TUBGCP6: variants seen among roughly 807,000 people sequenced by gnomAD.
TUBGCP6 encodes the protein gamma-tubulin complex component 6.
TUBGCP6 carries 161 observed loss-of-function variants against 175.8 expected under a neutral mutation model. The observed-to-expected ratio is 0.92, with a 90% CI of 0.81 to 1.04. The LOEUF is 1.04. TUBGCP6 is among the 50% of genes least tolerant of loss of function. The pLI is 0.00. For synonymous variants in TUBGCP6, 1,173 were observed against 1,030.5 expected (o/e 1.14, Z -2.65); for missense variants, 2,572 against 2,433.0 (o/e 1.06, Z -1.20).
At chr22:50,225,421 T>A (rs1569115481) in intron 10 of TUBGCP6, among the ~76,000 whole-genome samples, 3 of 151,570 alleles carry the variant, frequency 2.0e-5, no homozygotes, top group African/African-American at 4.9e-5. Flanking sequence ...CCATCTGGAG[T>A]GCAGCCAGGA....
chr22:50,221,107 G>A lies in TUBGCP6; in HGVS notation c.3252C>T (p.Ser1084=), dbSNP rs751346776. 2 of 1,609,168 alleles carry A rather than the reference G, an allele frequency of 1.2e-6. No individual in the cohort carries two copies. The highest frequency in any genetic ancestry group is 1.1e-5 in the South Asian group (1 of 90,798). ...ACTCCCCTAAGCTGATGCTGGCATT[G>A]GATACGTGTCCGTGGGTGTTCCACC... The part of the protein sequence containing the change: ...QPRWNTHGHV[S]NASISLGESV... The change falls in exon 16 of 25, where the codon TCC becomes TCT. Residue 1084 remains serine (S), a synonymous_variant. Transcript: ENST00000248846.
chr22:50,232,847 C>G (rs1405107394), intron 3 of TUBGCP6, among the ~76,000 whole-genome samples: 3 of 152,248 alleles, frequency 2.0e-5, no homozygotes, highest in Non-Finnish European at 4.4e-5. Flanking sequence ...ATTCACTTCT[C>G]CAGTGCCCAG....
In TUBGCP6 at chr22:50,225,862, CCTT is replaced by C. The variant is rs2064599357; in HGVS notation, c.1912_1914del (p.Lys638del). The C allele has an allele frequency of 1.2e-6, 2 of 1,613,992 alleles. No homozygotes were observed. Among genetic ancestry groups the C allele is most frequent in the Admixed American group, 1.7e-5 (1 of 60,010 alleles). On this transcript the variant is annotated inframe_deletion, in exon 10 of 25. Transcript: ENST00000248846. ...ATGCGCCCAACGTAGACGGCACAGT[CCTT>C]CTCAATCTCCTTCAACTCCTCAAGG...
chr22:50,241,511 G>A (rs1374103674), intron 1 of TUBGCP6, among the ~76,000 whole-genome samples: 7 of 152,072 alleles, frequency 4.6e-5, no homozygotes, highest in African/African-American at 7.3e-5. Flanking sequence ...AGGCCTAAAC[G>A]TCTCCCTGTG....
chr22:50,225,685 A>G, intron 10 of TUBGCP6, 109 bp downstream of exon 10: 2 of 1,411,254 alleles, frequency 1.4e-6, no homozygotes, highest in Non-Finnish European at 1.9e-6. Flanking sequence ...AAAATGCCAG[A>G]AGGGAGGCCC....
intron 7 of TUBGCP6, among the ~76,000 whole-genome samples, 153 bp from the exon 8 acceptor site, chr22:50,226,531 G>A (rs2064612358): frequency 6.7e-6 from 1 of 150,038 alleles, no homozygotes; most frequent in African/African-American, 2.5e-5. Context: ...CCATCCATGA[G>A]GGGCGGGATG....
Position 50,217,724 on chromosome 22 carries a change from C to G in TUBGCP6, c.*12G>C, listed in dbSNP as rs754995187. 1 of 1,613,190 alleles carries G rather than the reference C, an allele frequency of 6.2e-7. No individual in the cohort carries two copies. Among genetic ancestry groups the G allele is most frequent in the Non-Finnish European group, 8.5e-7 (1 of 1,179,536 alleles). On this transcript the variant is annotated 3_prime_UTR_variant, in exon 25 of 25. Coordinates refer to ENST00000248846, the MANE Select transcript of TUBGCP6 (RefSeq NM_020461.4). ...GAACACCTTTATTGTGCACGTCCCC[C>G]GCAGAGCAGCCTCAGGCGTCCTGGT...
At chr22:50,226,630 C>A in intron 7 of TUBGCP6, 103 bp downstream of exon 7, 1 of 1,085,098 alleles carries the variant, frequency 9.2e-7, no homozygotes, top group South Asian at 1.5e-5. Flanking sequence ...CCTCCCCTTC[C>A]TGTGTGACCC....
chr22:50,231,346 T>C (rs12169926), intron 3 of TUBGCP6, among the ~76,000 whole-genome samples: 14,094 of 146,604 alleles, frequency 0.096, 2,180 homozygotes, highest in African/African-American at 0.33. Flanking sequence ...CCCAGCTACT[T>C]GGGAGGCTGA....
Position 50,240,327 on chromosome 22 carries a change from T to C in TUBGCP6, c.782A>G (p.Gln261Arg), listed in dbSNP as rs557314564. The C allele has an allele frequency of 1.2e-6, 2 of 1,614,016 alleles. No homozygotes were observed. Among genetic ancestry groups the C allele is most frequent in the Admixed American group, 1.7e-5 (1 of 60,010 alleles). Reference sequence around the variant, plus strand: ...ATCAGGAGTCAAGTTGGACGCTGACTGGAATCCTTCGTCTTCCCACTGATC... The same window carrying C: ...ATCAGGAGTCAAGTTGGACGCTGACCGGAATCCTTCGTCTTCCCACTGATC... ...SVDQWEDEGF[Q>R]SASNLTPDSQ... Residue 261 changes from glutamine to arginine, a missense_variant, in exon 2 of 25, where the codon CAG becomes CGG. Physicochemically the swap from Gln to Arg is conservative, Grantham distance 43. Coordinates refer to ENST00000248846, the MANE Select transcript of TUBGCP6 (RefSeq NM_020461.4).
In TUBGCP6 at chr22:50,244,116, A is replaced by T; in HGVS notation, c.344T>A (p.Val115Asp). 6.2e-7 allele frequency: 1 copy of T among 1,613,740 alleles called. No homozygotes were observed. The highest frequency in any genetic ancestry group is 8.5e-7 in the Non-Finnish European group (1 of 1,180,034). The change falls in exon 1 of 25, where the codon GTT becomes GAT. Residue 115 changes from valine to aspartate, a missense_variant. By Grantham distance (152) the Val-to-Asp change is radical. Coordinates refer to ENST00000248846, the MANE Select transcript of TUBGCP6 (RefSeq NM_020461.4). ...LEVGSVLDLLVQLAGSGPPQV... is the reference protein window; with the variant it reads ...LEVGSVLDLLDQLAGSGPPQV... ...AGGGGGACCACTCCCTGCCAGCTGA[A>T]CCAGGAGGTCCAAAACAGACCCCAC... is the stretch of plus-strand genomic sequence containing the variant.
intron 13 of TUBGCP6, 87 bp downstream of exon 13, chr22:50,224,054 A>G: frequency 8.0e-7 from 1 of 1,244,588 alleles, no homozygotes; most frequent in Non-Finnish European, 1.1e-6. Context: ...TTTCAAAACA[A>G]AAAGTAAAAT....
At position 50,218,876 on chromosome 22, in the gene TUBGCP6, C is replaced by A. The variant is rs753188505; in HGVS notation, c.4648G>T (p.Gly1550Ter). Residue 1550 changes from glycine to a stop codon, truncating the protein, a stop_gained, in exon 21 of 25, where the codon GGA (glycine) becomes TGA (stop). Transcript: ENST00000248846. LOFTEE classifies it high-confidence loss of function. ...AGCACCAGCGGGTTGAGCAGCTCTC[C>A]GGGCGTTTGCCCAGCTCCAAGCTAG... ...FEKLGAGQTPGELLNPLVLNS... is the reference protein window; with the variant it reads ...FEKLGAGQTP 1 of 1,612,366 alleles carries A rather than the reference C, an allele frequency of 6.2e-7. No homozygotes were observed. The highest frequency in any genetic ancestry group is 1.1e-5 in the South Asian group (1 of 90,994).
Position 50,219,149 on chromosome 22 carries a change from CGCCTCCAGG to C in TUBGCP6, c.4536_4544del (p.His1512_Ala1515delinsGln). ...GGAAGTGCCGCAGTGCCTCATAGTG[CGCCTCCAGG>C]TGCAGCTCCACGAAGAAGTAGTCGA... On this transcript the variant is annotated inframe_deletion, in exon 20 of 25. Coordinates refer to ENST00000248846, the MANE Select transcript of TUBGCP6 (RefSeq NM_020461.4). The C allele has an allele frequency of 6.2e-7, 1 of 1,612,886 alleles. No homozygotes were observed. Among genetic ancestry groups the C allele is most frequent in the South Asian group, 1.1e-5 (1 of 91,040 alleles).
chr22:50,221,297 G>A lies in TUBGCP6; in HGVS notation c.3062C>T (p.Pro1021Leu). The change falls in exon 16 of 25, where the codon CCC becomes CTC. Residue 1021 changes from proline to leucine, a missense_variant. Physicochemically the swap from Pro to Leu is moderately conservative, Grantham distance 98 (BLOSUM62 -3). Coordinates refer to ENST00000248846, the MANE Select transcript of TUBGCP6 (RefSeq NM_020461.4). Reference protein sequence around the residue: ...RAALEEGSSQPTERLFGQVSG... With the variant: ...RAALEEGSSQLTERLFGQVSG... ...CACCTGCCCAAAGAGCCGCTCTGTG[G>A]GCTGGCTGCTCCCCTCCTCCAGAGC... The A allele has an allele frequency of 6.2e-7, 1 of 1,613,804 alleles. No homozygotes were observed.
intron 7 of TUBGCP6, 97 bp downstream of exon 7, chr22:50,226,636 G>T: frequency 8.9e-7 from 1 of 1,119,936 alleles, no homozygotes; most frequent in Non-Finnish European, 1.3e-6. Flanking sequence ...CTTCCTGTGT[G>T]ACCCCCACAT....
intron 5 of TUBGCP6, among the ~76,000 whole-genome samples, chr22:50,227,316 G>GGCCC (rs1262624976): frequency 6.6e-6 from 1 of 151,918 alleles, no homozygotes; most frequent in Non-Finnish European, 1.5e-5. Context: ...ACACCCAGCA[G>GGCCC]GCCCTCCCTC....
In TUBGCP6 at chr22:50,222,506, C is replaced by A; in HGVS notation, c.2357G>T (p.Arg786Leu). The change falls in exon 14 of 25, where the codon CGA becomes CTA. Residue 786 changes from arginine (R) to leucine (L), a missense_variant. Arg to Leu is a moderately radical substitution (Grantham distance 102, BLOSUM62 -2). Coordinates refer to ENST00000248846, the MANE Select transcript of TUBGCP6 (RefSeq NM_020461.4). ...QKALWRIQRH[R>L]LESARLRFLL... The stretch of plus-strand genomic sequence containing the variant: ...AAAACGAAGCCGTGCACTCTCCAGT[C>A]GGTGCCTCTGGATTCTCCACAGTGC... 6.2e-7 allele frequency: 1 copy of A among 1,613,844 alleles called. No individual in the cohort carries two copies. The highest frequency in any genetic ancestry group is 8.5e-7 in the Non-Finnish European group (1 of 1,180,030).
Position 50,244,400 on chromosome 22 carries a change from C to G in TUBGCP6, c.60G>C (p.Lys20Asn). 1.2e-6 allele frequency: 2 copies of G among 1,613,182 alleles called. No individual in the cohort carries two copies. Among genetic ancestry groups the G allele is most frequent in the East Asian group, 2.2e-5 (1 of 44,880 alleles). Residue 20 changes from lysine to asparagine, a missense_variant, in exon 1 of 25, where the codon AAG becomes AAC. Transcript: ENST00000248846. The part of the protein sequence containing the change: ...DLCEALLPAA[K>N]THLGQRSVNR... ...TCACACTGCGCTGGCCCAGGTGAGT[C>G]TTGGCAGCCGGCAGGAGGGCCTCAC...
Sources: gnomAD v4.1 joint callset for allele counts (sites outside exome capture counted in the v4.1 genomes callset) on GRCh38, gnomAD v4.1.1 for gene constraint, MANE v1.5 for transcripts, NCBI Gene and HGNC (gene_info 2026-07-23, HGNC 2026-07-21) for gene names.